Variants in ADCY6 observed in about 807,000 individuals in gnomAD.
ADCY6 encodes adenylate cyclase type 6.
Under a neutral mutation model 111.6 loss-of-function variants are expected in ADCY6, and 59 were observed. That is an observed-to-expected ratio of 0.53 (90% CI 0.43 to 0.66). The LOEUF (loss-of-function observed/expected upper bound fraction) is 0.66. ADCY6 is among the 30% of genes least tolerant of loss of function. The probability of loss-of-function intolerance (pLI) is 0.00; values close to 1 mark genes in which losing one functional copy is unlikely to be tolerated. For synonymous variants in ADCY6, 576 were observed against 642.9 expected (o/e 0.90, Z 1.57); for missense variants, 1,242 against 1,595.6 (o/e 0.78, Z 3.78).
In ADCY6 at chr12:48,768,219, G is replaced by A. The variant is rs1941426990; in HGVS notation, c.*372C>T. On this transcript the variant is annotated 3_prime_UTR_variant, in exon 22 of 22. Transcript: ENST00000357869. ...AGAGGGAAAAGAAGGGCTCAGCCCTGAACCTGCTGCCCAGACAGACAGGGA... is the reference window on the plus strand; with the variant it reads ...AGAGGGAAAAGAAGGGCTCAGCCCTAAACCTGCTGCCCAGACAGACAGGGA... The A allele has an allele frequency of 5.9e-6, 2 of 339,890 alleles. No homozygotes were observed. The highest frequency in any genetic ancestry group is 1.4e-4 in the East Asian group (2 of 13,832). 21.1% of individuals were successfully genotyped at this position (339,890 alleles called of 1,614,324 possible).
intron 11 of ADCY6, 78 bp downstream of exon 11, chr12:48,775,225 C>T (rs1318221895): frequency 1.3e-5 from 21 of 1,589,658 alleles, no homozygotes; most frequent in Non-Finnish European, 1.7e-5. Context: ...ACACCTGTGC[C>T]CTCACCTGTG....
chr12:48,770,704 T>C (rs1355762385), intron 20 of ADCY6, 62 bp downstream of exon 20: 2 of 1,547,498 alleles, frequency 1.3e-6, no homozygotes, highest in Admixed American at 3.3e-5. Context: ...CCCCAGCCTA[T>C]AATCCCAGCT....
intron 1 of ADCY6, among the ~76,000 whole-genome samples, chr12:48,784,967 C>T (rs939420228): frequency 6.6e-6 from 1 of 152,158 alleles, no homozygotes; most frequent in African/African-American, 2.4e-5. Context: ...ACCCCAGTCA[C>T]AAGAACCTCT....
intron 2 of ADCY6, among the ~76,000 whole-genome samples, chr12:48,778,575 C>G (rs1941767056): frequency 6.6e-6 from 1 of 152,190 alleles, no homozygotes; most frequent in African/African-American, 2.4e-5. Context: ...CCTCAAACAC[C>G]CCACACAAAA....
At position 48,766,349 on chromosome 12, in the gene ADCY6, A is replaced by G. The variant is rs1360597067; in HGVS notation, c.*2242T>C. 6.6e-6 allele frequency: 1 copy of G among 152,646 alleles called. No individual in the cohort carries two copies. Among genetic ancestry groups the G allele is most frequent in the East Asian group, 1.9e-4 (1 of 5,200 alleles). The allele number at this position is 152,646 out of a possible 1,614,324, so 9.5% of individuals were successfully genotyped here. The stretch of plus-strand genomic sequence containing the variant: ...TGACTCCTCTACCAACTGGGTGAGG[A>G]AAGGGACAATGGTAGCCCAGGGGAA... On this transcript the variant is annotated 3_prime_UTR_variant, in exon 22 of 22. Transcript: ENST00000357869.
intron 20 of ADCY6, among the ~76,000 whole-genome samples, chr12:48,769,919 A>G (rs1455088205): frequency 1.3e-5 from 2 of 150,468 alleles, no homozygotes; most frequent in South Asian, 2.1e-4. Flanking sequence ...CCACCACCAC[A>G]CCCGGCTAAT....
At chr12:48,786,779 AT>A (rs1162281648) in intron 1 of ADCY6, among the ~76,000 whole-genome samples, 20 of 152,206 alleles carry the variant, frequency 1.3e-4, no homozygotes, top group Non-Finnish European at 1.8e-4. Context: ...GCTCTTCAAA[AT>A]ACTTCATTAG....
Position 48,774,018 on chromosome 12 carries a change from G to T in ADCY6, c.2364C>A (p.His788Gln). The T allele has an allele frequency of 6.2e-7, 1 of 1,613,396 alleles. No individual in the cohort carries two copies. The highest frequency in any genetic ancestry group is 8.5e-7 in the Non-Finnish European group (1 of 1,179,692). Reference protein sequence around the residue: ...NLTPADITACHLQQLNYSLGL... With the variant: ...NLTPADITACQLQQLNYSLGL... ...CCAGAGAGTAATTGAGCTGCTGCAG[G>T]TGGCAGGCAGTGATGTCAGCAGGTG... Residue 788 changes from histidine to glutamine, a missense_variant, in exon 15 of 22, where the codon CAC becomes CAA. His to Gln is a conservative substitution (Grantham distance 24). Coordinates refer to ENST00000357869, the MANE Select transcript of ADCY6 (RefSeq NM_015270.5).
chr12:48,781,178 C>T (rs112426176), intron 2 of ADCY6, among the ~76,000 whole-genome samples: 5,115 of 149,184 alleles, frequency 0.034, 277 homozygotes, highest in African/African-American at 0.12. Context: ...TCCAGCCTAA[C>T]GACAGAGCAA....
Position 48,776,326 on chromosome 12 carries a change from T to G in ADCY6, c.1560A>C (p.Thr520=). ...CGTAGTCCCCGTTCAGGTACTGCAG[T>G]GTTGCCCGAGTGATGTGGATGCGGC... The part of the protein sequence containing the change: ...RAGRIHITRA[T]LQYLNGDYEV... The change falls in exon 8 of 22, where the codon ACA becomes ACC. Residue 520 remains threonine, a synonymous_variant. Transcript: ENST00000357869. This position sits in a 1 kb window ranked among gnomAD's most constrained non-coding sequence, Gnocchi z 6.1. The G allele has an allele frequency of 6.2e-7, 1 of 1,614,216 alleles. No individual in the cohort carries two copies. Among genetic ancestry groups the G allele is most frequent in the South Asian group, 1.1e-5 (1 of 91,086 alleles).
chr12:48,772,269 C>G, intron 18 of ADCY6, 26 bp downstream of exon 18: 1 of 1,594,254 alleles, frequency 6.3e-7, no homozygotes, highest in Non-Finnish European at 8.5e-7. Flanking sequence ...GGTTCCTCCT[C>G]TTCCCCCAAA....
Position 48,775,997 on chromosome 12 carries a change from G to A in ADCY6, c.1772C>T (p.Ser591Phe), listed in dbSNP as rs1386744112. The A allele has an allele frequency of 3.7e-6, 6 of 1,610,630 alleles. No individual in the cohort carries two copies. The highest frequency in any genetic ancestry group is 2.2e-5 in the South Asian group (2 of 90,370). Residue 591 changes from serine (S) to phenylalanine (F), a missense_variant, in exon 9 of 22, where the codon TCC (serine) becomes TTC (phenylalanine). Physicochemically the swap from Ser to Phe is radical, Grantham distance 155 (BLOSUM62 -2). Coordinates refer to ENST00000357869, the MANE Select transcript of ADCY6 (RefSeq NM_015270.5). ...GAAGGCCTTGGAGTCCTTGGTCCGG[G>A]AGAAGGCACGATCAGGAACCCAGCG... ...MPRWVPDRAF[S>F]RTKDSKAFRQ... is the part of the protein sequence containing the mutation.
intron 9 of ADCY6, 81 bp downstream of exon 9, chr12:48,775,882 C>G: frequency 6.5e-6 from 10 of 1,541,172 alleles, no homozygotes; most frequent in Non-Finnish European, 8.8e-6. Flanking sequence ...ATGGCAGTCA[C>G]AAGAAAGGAC....
chr12:48,783,467 G>C, intron 1 of ADCY6, 29 bp from the exon 2 acceptor site: 3 of 1,613,852 alleles, frequency 1.9e-6, no homozygotes, highest in Non-Finnish European at 2.5e-6. Flanking sequence ...GATAGTATTA[G>C]AGACCATCCA....
chr12:48,780,581 A>T (rs1006028951), intron 2 of ADCY6, among the ~76,000 whole-genome samples: 2 of 152,084 alleles, frequency 1.3e-5, no homozygotes, highest in African/African-American at 2.4e-5. Flanking sequence ...TCCTGGGGAG[A>T]CGGGCACAGT....
At position 48,771,188 on chromosome 12, in the gene ADCY6, CAGT is replaced by C; in HGVS notation, c.3052-221_3052-219del. ...GGCATACAGCTTCAGAAGGTCCCTC[CAGT>C]AGCTCACTCACAGAACACAGACCCA... On this transcript the variant is annotated intron_variant, in intron 19 of 21. Coordinates refer to ENST00000357869, the MANE Select transcript of ADCY6 (RefSeq NM_015270.5). The surrounding 1 kb of genome is among the most constrained non-coding windows in gnomAD (Gnocchi z 4.3). 1 of 583,518 alleles carries C rather than the reference CAGT, an allele frequency of 1.7e-6. No homozygotes were observed. The highest frequency in any genetic ancestry group is 3.1e-6 in the Non-Finnish European group (1 of 327,498). 36.1% of individuals were successfully genotyped at this position (583,518 alleles called of 1,614,324 possible). A position where few individuals can be genotyped will look rare whatever the true frequency, so the allele number is the denominator to read the frequency against.
Position 48,768,431 on chromosome 12 carries a change from G to C in ADCY6, c.*160C>G. 1 of 1,025,856 alleles carries C rather than the reference G, an allele frequency of 9.7e-7. No homozygotes were observed. Among genetic ancestry groups the C allele is most frequent in the South Asian group, 1.4e-5 (1 of 69,272 alleles). 63.5% of individuals were successfully genotyped at this position (1,025,856 alleles called of 1,614,324 possible). A position where few individuals can be genotyped will look rare whatever the true frequency, so the allele number is the denominator to read the frequency against. On this transcript the variant is annotated 3_prime_UTR_variant, in exon 22 of 22. Coordinates refer to ENST00000357869, the MANE Select transcript of ADCY6 (RefSeq NM_015270.5). Reference sequence around the variant, plus strand: ...TAGCCCCTTGTTTTCCAGCTTGAGGGCAGACGAGCATGATCCAAGCACAGC... The same window carrying C: ...TAGCCCCTTGTTTTCCAGCTTGAGGCCAGACGAGCATGATCCAAGCACAGC...
Position 48,771,091 on chromosome 12 carries a change from T to G in ADCY6, c.3052-121A>C. ...CACTTCCCTGTCTCAAGAGCCCCCT[T>G]CCAGCTGCTGCTATCAGTGTAAGAC... On this transcript the variant is annotated intron_variant, in intron 19 of 21. Transcript: ENST00000357869. This position sits in a 1 kb window ranked among gnomAD's most constrained non-coding sequence, Gnocchi z 4.3. 6.2e-6 allele frequency: 6 copies of G among 966,520 alleles called. No homozygotes were observed. Among genetic ancestry groups the G allele is most frequent in the Non-Finnish European group, 9.3e-6 (6 of 646,810 alleles). The allele number at this position is 966,520 out of a possible 1,614,324, so 59.9% of individuals were successfully genotyped here.
At chr12:48,773,910 C>T in intron 15 of ADCY6, 30 bp downstream of exon 15, 2 of 1,609,760 alleles carry the variant, frequency 1.2e-6, no homozygotes, top group Non-Finnish European at 1.7e-6. Flanking sequence ...CCAGGACAGC[C>T]CCCCCACCGC....
Sources: gnomAD v4.1 joint callset for allele counts (sites outside exome capture counted in the v4.1 genomes callset) on GRCh38, gnomAD v4.1.1 for gene constraint, Gnocchi (gnomAD v3.1) non-coding constraint, MANE v1.5 for transcripts, NCBI Gene and HGNC (gene_info 2026-07-23, HGNC 2026-07-21) for gene names.